ACP3: variants seen among roughly 807,000 people sequenced by gnomAD.
ACP3 encodes acid phosphatase 3, also known as prostatic acid phosphatase.
A neutral mutation model predicts 45.6 loss-of-function variants in ACP3; 38 were observed. The ratio of observed to expected loss-of-function variants is 0.83; its 90% CI spans 0.64 to 1.09. ACP3 has a LOEUF of 1.09. ACP3 is among the 50% of genes least tolerant of loss of function. The pLI is 0.00. For missense variants in ACP3, 466 were observed against 463.2 expected (o/e 1.01, Z -0.05); for synonymous variants, 162 against 164.7 (o/e 0.98, Z 0.13).
rs145212565 is a variant in ACP3, at chr3:132,358,032, T to C, written c.*1154T>C. 3,911 of 134,918 alleles carry C rather than the reference T, an allele frequency of 0.029. 72 individuals carry two copies. Among genetic ancestry groups the C allele is most frequent in the Non-Finnish European group, 0.044 (2,862 of 65,056 alleles). The allele number at this position is 134,918 out of a possible 1,614,324, so 8.4% of individuals were successfully genotyped here. ...CAGGGCAAGAGAGCGAGACCCTGTC[T>C]CAATAAATAAATAAATAAATAAATA... On this transcript the variant is annotated 3_prime_UTR_variant, in exon 10 of 10. Coordinates refer to ENST00000336375, the MANE Select transcript of ACP3 (RefSeq NM_001099.5).
chr3:132,360,387 C>T (rs1938018707), downstream of ACP3, among the ~76,000 whole-genome samples: 2 of 151,170 alleles, frequency 1.3e-5, no homozygotes, highest in South Asian at 4.2e-4. Context: ...AGGACAAAAT[C>T]ATTAAATATA....
At chr3:132,337,420 C>T in intron 4 of ACP3, 36 bp from the exon 5 acceptor site, 1 of 1,382,800 alleles carries the variant, frequency 7.2e-7, no homozygotes, top group Non-Finnish European at 1.0e-6. Flanking sequence ...GTTTTTCTGA[C>T]TCATAACAGT....
At chr3:132,362,100 A>G (rs913256004), downstream of ACP3, among the ~76,000 whole-genome samples, 2 of 152,098 alleles carry the variant, frequency 1.3e-5, no homozygotes, top group African/African-American at 2.4e-5. Flanking sequence ...CTGTAAAATT[A>G]TGTCCACCCT....
chr3:132,336,033 G>T (rs1225869493), intron 4 of ACP3, among the ~76,000 whole-genome samples: 1 of 152,204 alleles, frequency 6.6e-6, no homozygotes, highest in Non-Finnish European at 1.5e-5. Context: ...GGCCAAGGCA[G>T]GTGGATCACG....
chr3:132,339,343 GA>G (rs1937526190), intron 5 of ACP3, among the ~76,000 whole-genome samples: 1 of 152,186 alleles, frequency 6.6e-6, no homozygotes, highest in Non-Finnish European at 1.5e-5. Context: ...CTCTCTGCAA[GA>G]AAAGGCAGCC....
At chr3:132,320,295 A>C (rs1209055821) in intron 1 of ACP3, among the ~76,000 whole-genome samples, 1 of 152,174 alleles carries the variant, frequency 6.6e-6, no homozygotes, top group Admixed American at 6.5e-5. Flanking sequence ...CTTTATATGG[A>C]AAGAATCGTA....
Position 132,337,509 on chromosome 3 carries a change from G to A in ACP3, c.510G>A (p.Glu170=). Residue 170 remains glutamate, a synonymous_variant, in exon 5 of 10, where the codon GAG becomes GAA. Transcript: ENST00000336375. ...CTCGTTTTCAAGAACTTGAGAGTGA[G>A]ACTTTGAAATCAGAGGAATTCCAGA... ...NCPRFQELES[E]TLKSEEFQKR... is the part of the protein sequence containing the mutation. 1 of 1,611,560 alleles carries A rather than the reference G, an allele frequency of 6.2e-7. No individual in the cohort carries two copies. The highest frequency in any genetic ancestry group is 8.5e-7 in the Non-Finnish European group (1 of 1,178,000).
Position 132,320,176 on chromosome 3 carries a change from G to C in ACP3, c.120+2600G>C, listed in dbSNP as rs138127076. On this transcript the variant is annotated intron_variant, in intron 1 of 9. Transcript: ENST00000336375. Reference sequence around the variant, plus strand: ...TACGCACTGTGGCTTTCAAGGAAAGGATCTAGTGTTTTCCAAACTCTGTTT... The same window carrying C: ...TACGCACTGTGGCTTTCAAGGAAAGCATCTAGTGTTTTCCAAACTCTGTTT... Among the ~76,000 whole-genome samples, 90 of 152,294 alleles carry C rather than the reference G, an allele frequency of 5.9e-4. 1 individual carries two copies. The East Asian group carries it at 0.016, about 28-fold the overall frequency.
intron 1 of ACP3, among the ~76,000 whole-genome samples, chr3:132,326,897 T>C (rs1937307324): frequency 1.3e-5 from 2 of 152,216 alleles, no homozygotes; most frequent in African/African-American, 2.4e-5. Context: ...GTAGACTTCA[T>C]CTTGTAGTTC....
At chr3:132,345,572 A>C (rs1243410170) in intron 7 of ACP3, among the ~76,000 whole-genome samples, 2 of 152,234 alleles carry the variant, frequency 1.3e-5, no homozygotes. Context: ...TTTCAGGCTA[A>C]TTGTTATATT....
intron 1 of ACP3, among the ~76,000 whole-genome samples, chr3:132,324,480 C>G (rs1196817530): frequency 6.6e-6 from 1 of 152,148 alleles, no homozygotes; most frequent in East Asian, 1.9e-4. Context: ...GAGATCTGGA[C>G]AGCTACATGA....
intron 8 of ACP3, among the ~76,000 whole-genome samples, chr3:132,351,278 T>C (rs532860948): frequency 6.6e-6 from 1 of 152,304 alleles, no homozygotes; most frequent in South Asian, 2.1e-4. Context: ...TAGAAAAGGC[T>C]TTCATCTTGG....
At chr3:132,318,638 C>A (rs1937151170) in intron 1 of ACP3, among the ~76,000 whole-genome samples, 2 of 151,922 alleles carry the variant, frequency 1.3e-5, no homozygotes, top group South Asian at 4.1e-4. Context: ...TGACAGAAAA[C>A]CCAGTGAAAC....
chr3:132,367,587 C>A, intron 10 of ACP3: 1 of 748,292 alleles, frequency 1.3e-6, no homozygotes, highest in African/African-American at 1.7e-5. Context: ...GATTTCAAGG[C>A]CTCTTTAGCA....
downstream of ACP3, among the ~76,000 whole-genome samples, chr3:132,361,244 C>T (rs910246285): frequency 4.6e-5 from 7 of 152,132 alleles, no homozygotes; most frequent in South Asian, 2.1e-4. Flanking sequence ...TATCCAGCAC[C>T]GCTCCTCCCT....
chr3:132,352,934 C>T (rs772569516), intron 9 of ACP3, 111 bp downstream of exon 9: 9 of 739,296 alleles, frequency 1.2e-5, no homozygotes, highest in Non-Finnish European at 1.9e-5. Flanking sequence ...GTTTTATATT[C>T]AGAGGGAAGA....
intron 8 of ACP3, 66 bp downstream of exon 8, chr3:132,350,068 C>G (rs754802514): frequency 1.7e-6 from 2 of 1,165,328 alleles, no homozygotes; most frequent in Admixed American, 3.6e-5. Context: ...AGCACAGGAC[C>G]TCATCTTTTT....
intron 7 of ACP3, among the ~76,000 whole-genome samples, chr3:132,348,370 G>A: frequency 6.6e-6 from 1 of 152,020 alleles, no homozygotes. Flanking sequence ...CTTGCAAGTT[G>A]TATAATCTAA....
chr3:132,335,229 C>T (rs1473624782), intron 4 of ACP3, among the ~76,000 whole-genome samples: 1 of 152,152 alleles, frequency 6.6e-6, no homozygotes, highest in Non-Finnish European at 1.5e-5. Context: ...ATACATTCTT[C>T]GGTATTACGC....
Sources: allele counts gnomAD v4.1 joint callset (sites outside exome capture counted in the v4.1 genomes callset), GRCh38; gene constraint gnomAD v4.1.1; transcripts MANE v1.5; gene names NCBI Gene and HGNC (gene_info 2026-07-23, HGNC 2026-07-21).